LINGO2: variants seen among roughly 807,000 people sequenced by gnomAD.
The protein encoded by LINGO2 is leucine rich repeat and Ig domain containing 2.
In LINGO2, 14 loss-of-function variants were observed where a neutral mutation model predicts 30.6. The ratio of observed to expected loss-of-function variants is 0.46; its 90% CI spans 0.30 to 0.72. The LOEUF is 0.72. Ranked by LOEUF, LINGO2 falls within the 30% of genes least tolerant of loss-of-function variation. The pLI, the probability that LINGO2 is intolerant of heterozygous loss-of-function variation, is 0.07. For synonymous variants in LINGO2, 317 were observed against 288.5 expected (o/e 1.10, Z -1.00); for missense variants, 729 against 751.7 (o/e 0.97, Z 0.35).
intron 1 of LINGO2, among the ~76,000 whole-genome samples, chr9:28,506,882 TC>T (rs1820161282): frequency 6.6e-6 from 1 of 152,012 alleles, no homozygotes; most frequent in Non-Finnish European, 1.5e-5. Flanking sequence ...GATTAAATCA[TC>T]TTCTCTACAG....
At chr9:28,466,605 C>CT (rs1825313418) in intron 2 of LINGO2, among the ~76,000 whole-genome samples, 1 of 152,080 alleles carries the variant, frequency 6.6e-6, no homozygotes, top group African/African-American at 2.4e-5. Context: ...TACAACTGGA[C>CT]TGTTTGTAAT....
At chr9:29,052,568 A>G in the LINGO2 span, among the ~76,000 whole-genome samples, 1 of 152,180 alleles carries the variant, frequency 6.6e-6, no homozygotes, top group Non-Finnish European at 1.5e-5. Context: ...AAGTTTTTGA[A>G]ATTCAAAATG....
chr9:27,953,836 T>A (rs1819432974), intron 5 of LINGO2, among the ~76,000 whole-genome samples: 1 of 152,090 alleles, frequency 6.6e-6, no homozygotes, highest in Admixed American at 6.6e-5. Context: ...GAAAATGAAA[T>A]GATATATGCT....
At chr9:28,856,171 G>A in the LINGO2 span, among the ~76,000 whole-genome samples, 7 of 151,988 alleles carry the variant, frequency 4.6e-5, no homozygotes, top group Non-Finnish European at 8.8e-5. Context: ...GATATTGGGA[G>A]AACACAATTT....
rs77249765 is a variant in LINGO2 at position 28,592,214 on chromosome 9, C to T, written c.-365+77986G>A. On this transcript the variant is annotated intron_variant, in intron 1 of 5. Transcript: ENST00000379992. ...TTGTTTCCTTTCACAAAGAAGAAAACGGAGTATTAAAAAGGTACTATGTAT... is the reference window on the plus strand; with the variant it reads ...TTGTTTCCTTTCACAAAGAAGAAAATGGAGTATTAAAAAGGTACTATGTAT... Among the ~76,000 whole-genome samples, 504 of 151,884 alleles carry T rather than the reference C, an allele frequency of 3.3e-3. 9 individuals carry two copies. The East Asian group carries it at 0.056, about 17-fold the overall frequency.
intron 1 of LINGO2, among the ~76,000 whole-genome samples, chr9:28,518,983 A>C (rs77650782): frequency 0.019 from 2,844 of 152,222 alleles, 93 homozygotes; most frequent in African/African-American, 0.064. Flanking sequence ...TTGCCTTTTT[A>C]ATGACTATTT....
chr9:28,814,377 C>A, the LINGO2 span, among the ~76,000 whole-genome samples: 1 of 152,054 alleles, frequency 6.6e-6, no homozygotes, highest in Non-Finnish European at 1.5e-5. Flanking sequence ...GCGGAGATTG[C>A]AGTGAGCCAA....
the LINGO2 span, among the ~76,000 whole-genome samples, chr9:28,784,111 A>G: frequency 1.3e-5 from 2 of 152,202 alleles, no homozygotes; most frequent in Non-Finnish European, 2.9e-5. Context: ...AATGTGAAAT[A>G]AAATTAATTG....
chr9:28,354,015 G>A (rs995747712), intron 3 of LINGO2, among the ~76,000 whole-genome samples: 2 of 152,096 alleles, frequency 1.3e-5, no homozygotes, highest in South Asian at 2.1e-4. Context: ...GGGTGGGTGA[G>A]GGGGCAGGGA....
the LINGO2 span, among the ~76,000 whole-genome samples, chr9:28,724,575 G>A: frequency 3.9e-5 from 6 of 152,024 alleles, no homozygotes; most frequent in Admixed American, 1.3e-4. Context: ...ACTCCATCAC[G>A]GATGATAACC....
intron 3 of LINGO2, among the ~76,000 whole-genome samples, chr9:28,304,567 A>G (rs1162125037): frequency 6.6e-6 from 1 of 152,016 alleles, no homozygotes; most frequent in African/African-American, 2.4e-5. Context: ...CACCTCTCAC[A>G]GGCAATTAGT....
chr9:27,988,568 T>C (rs1193743869), intron 5 of LINGO2, among the ~76,000 whole-genome samples: 1 of 152,088 alleles, frequency 6.6e-6, no homozygotes, highest in Admixed American at 6.6e-5. Context: ...GGTATCTCAC[T>C]GTGGTTTTGA....
chr9:27,981,581 GA>G lies in LINGO2; in HGVS notation c.-36+30773del, dbSNP rs1429861888. ...AAAAGAAAAAAAAAGAAAAAAAAAAGAAAAAAAATTTCCTATACCAGCAGTT... is the reference window on the plus strand; with the variant it reads ...AAAAGAAAAAAAAAGAAAAAAAAAAGAAAAAAATTTCCTATACCAGCAGTT... On this transcript the variant is annotated intron_variant, in intron 5 of 5. Coordinates refer to ENST00000379992, the Ensembl canonical transcript of LINGO2. Among the ~76,000 whole-genome samples, 8 of 84,610 alleles carry G rather than the reference GA, an allele frequency of 9.5e-5. No homozygotes were observed. The East Asian group carries it at 1.6e-3, about 17-fold the overall frequency. 55.5% of individuals were successfully genotyped at this position (84,610 alleles called of 152,430 possible). A position where few individuals can be genotyped will look rare whatever the true frequency, so the allele number is the denominator to read the frequency against.
the LINGO2 span, among the ~76,000 whole-genome samples, chr9:28,749,744 T>G: frequency 1.3e-5 from 2 of 152,092 alleles, no homozygotes; most frequent in Non-Finnish European, 2.9e-5. Flanking sequence ...GTTTTAAATT[T>G]GTGAGTAGAT....
At chr9:28,809,216 C>T in the LINGO2 span, among the ~76,000 whole-genome samples, 2 of 152,000 alleles carry the variant, frequency 1.3e-5, no homozygotes, top group Non-Finnish European at 2.9e-5. Context: ...TTACATGTAC[C>T]AAAGTTCTTA....
At chr9:29,147,929 C>T in the LINGO2 span, among the ~76,000 whole-genome samples, 3 of 152,122 alleles carry the variant, frequency 2.0e-5, no homozygotes, top group East Asian at 5.8e-4. Context: ...ATTCATTGGC[C>T]AATCTCCAAC....
chr9:28,659,049 G>A (rs923736713), intron 1 of LINGO2, among the ~76,000 whole-genome samples: 1 of 152,008 alleles, frequency 6.6e-6, no homozygotes, highest in African/African-American at 2.4e-5. Flanking sequence ...TTGCAACTTT[G>A]CTTTAGGTCT....
chr9:28,078,197 C>T (rs1333166200), intron 4 of LINGO2, among the ~76,000 whole-genome samples: 2 of 148,858 alleles, frequency 1.3e-5, no homozygotes, highest in African/African-American at 2.6e-5. Flanking sequence ...CAGATATTTG[C>T]GAGAGGAAAT....
the LINGO2 span, among the ~76,000 whole-genome samples, chr9:28,877,087 T>C: frequency 1.3e-5 from 2 of 148,760 alleles, no homozygotes; most frequent in South Asian, 4.2e-4. Flanking sequence ...CACCCACTTT[T>C]TGATGGGGTT....
Sources: gnomAD v4.1 joint callset for allele counts (sites outside exome capture counted in the v4.1 genomes callset) on GRCh38, gnomAD v4.1.1 for gene constraint, MANE v1.5 for transcripts, NCBI Gene and HGNC (gene_info 2026-07-23, HGNC 2026-07-21) for gene names.